The following SIRT3 variants were observed in gnomAD, a reference collection of about 807,000 sequenced individuals.
SIRT3 encodes the protein NAD-dependent protein deacetylase sirtuin-3, mitochondrial.
Under a neutral mutation model 33.5 loss-of-function variants are expected in SIRT3, and 26 were observed. That is an observed-to-expected ratio of 0.78 (90% CI 0.57 to 1.08). The LOEUF (loss-of-function observed/expected upper bound fraction) is 1.08, where lower values mean the gene tolerates loss of function less well. Ranked by LOEUF, SIRT3 falls within the 50% of genes least tolerant of loss-of-function variation. The pLI, the probability that SIRT3 is intolerant of heterozygous loss-of-function variation, is 0.00. For synonymous variants in SIRT3, 237 were observed against 222.1 expected (o/e 1.07, Z -0.60); for missense variants, 585 against 530.1 (o/e 1.10, Z -1.02).
Position 230,497 on chromosome 11 carries a change from G to A in SIRT3, c.762C>T (p.Ala254=), listed in dbSNP as rs570176280. 36 of 1,542,036 alleles carry A rather than the reference G, an allele frequency of 2.3e-5. No individual in the cohort carries two copies. The South Asian group carries it at 4.0e-4, about 17-fold the overall frequency. ...AGGGTCTTTGGCAGACTGTGCAGGT[G>A]GCAGAGGCAAAGGTTCCATGAGCTT... ...LVEAHGTFAS[A]TCTVCQRPFP... is the part of the protein sequence containing the mutation. Residue 254 remains alanine, a synonymous_variant, in exon 4 of 7, where the codon GCC becomes GCT. Coordinates refer to ENST00000382743, the MANE Select transcript of SIRT3 (RefSeq NM_012239.6).
At chr11:233,265 G>A (rs202146161) in intron 2 of SIRT3, 50 bp from the exon 3 acceptor site, 2 of 1,602,854 alleles carry the variant, frequency 1.2e-6, no homozygotes, top group Non-Finnish European at 1.7e-6. Context: ...GGACAGGGAA[G>A]TGGAATAAAC....
chr11:223,604 C>G lies in SIRT3; in HGVS notation c.969+474G>C, dbSNP rs573528. Reference sequence around the variant, plus strand: ...TGACCTGGGAGGCCCTGCCCCTCCACCTCGCCCCCACACCCCCATCCTTCT... The same window carrying G: ...TGACCTGGGAGGCCCTGCCCCTCCAGCTCGCCCCCACACCCCCATCCTTCT... On this transcript the variant is annotated intron_variant, in intron 5 of 6. Coordinates refer to ENST00000382743, the MANE Select transcript of SIRT3 (RefSeq NM_012239.6). This position sits in a 1 kb window ranked among gnomAD's most constrained non-coding sequence, Gnocchi z 4.8. 4 of 442,222 alleles carry G rather than the reference C, an allele frequency of 9.0e-6. No homozygotes were observed. Among genetic ancestry groups the G allele is most frequent in the Non-Finnish European group, 1.7e-5 (4 of 234,966 alleles). 27.4% of individuals were successfully genotyped at this position (442,222 alleles called of 1,614,324 possible).
Position 233,122 on chromosome 11 carries a change from G to A in SIRT3, c.567C>T (p.Pro189=), listed in dbSNP as rs149308050. Reference sequence around the variant, plus strand: ...CCTTGGCCAAAGTGAAAAAGGGCTTGGGGTTGTGAAAGAAGAATGGGAGTT... The same window carrying A: ...CCTTGGCCAAAGTGAAAAAGGGCTTAGGGTTGTGAAAGAAGAATGGGAGTT... The part of the protein sequence containing the change: ...IFELPFFFHN[P]KPFFTLAKEL... The change falls in exon 3 of 7, where the codon CCC becomes CCT. Residue 189 remains proline (P), a synonymous_variant. Coordinates refer to ENST00000382743, the MANE Select transcript of SIRT3 (RefSeq NM_012239.6). 148 of 1,614,148 alleles carry A rather than the reference G, an allele frequency of 9.2e-5. No individual in the cohort carries two copies. The African/African-American group carries it at 1.4e-3, about 15-fold the overall frequency.
At chr11:236,458 G>A (rs1326777498), upstream of SIRT3, 5 of 528,832 alleles carry the variant, frequency 9.5e-6, no homozygotes, top group African/African-American at 2.5e-5. Flanking sequence ...CCGGCGCCCC[G>A]GTCCCGCCTC....
intron 5 of SIRT3, among the ~76,000 whole-genome samples, chr11:220,424 T>C (rs1157635017): frequency 6.6e-6 from 1 of 151,764 alleles, no homozygotes; most frequent in African/African-American, 2.4e-5. Context: ...TAATTTATAT[T>C]GCTAATTTAT....
At chr11:234,811 T>C in intron 1 of SIRT3, among the ~76,000 whole-genome samples, 1 of 152,156 alleles carries the variant, frequency 6.6e-6, no homozygotes, top group East Asian at 1.9e-4. Flanking sequence ...CCATAGCACC[T>C]AGAACAGAGT....
intron 3 of SIRT3, among the ~76,000 whole-genome samples, chr11:232,235 A>C (rs1158829522): frequency 6.6e-6 from 1 of 151,994 alleles, no homozygotes; most frequent in Non-Finnish European, 1.5e-5. Context: ...CTCCTGTCTC[A>C]GCCTCCCGAG....
At chr11:230,597 G>T in intron 3 of SIRT3, 45 bp from the exon 4 acceptor site, 2 of 1,359,016 alleles carry the variant, frequency 1.5e-6, no homozygotes, top group South Asian at 1.6e-5. Context: ...CCTCCGAGAT[G>T]AGCACGCAAG....
chr11:231,980 C>G (rs12363280), intron 3 of SIRT3, among the ~76,000 whole-genome samples: 23,742 of 137,902 alleles, frequency 0.17, 2,356 homozygotes, highest in Middle Eastern at 0.26. Context: ...TTGGCACAAC[C>G]TGTGAATCGC....
chr11:227,347 A>G (rs1476590509), intron 4 of SIRT3, among the ~76,000 whole-genome samples: 1 of 151,586 alleles, frequency 6.6e-6, no homozygotes, highest in Admixed American at 6.6e-5. Flanking sequence ...ATGAGGCAAG[A>G]GAATCGCTTG....
At chr11:218,345 A>G (rs1251253173) in intron 6 of SIRT3, among the ~76,000 whole-genome samples, 1 of 152,210 alleles carries the variant, frequency 6.6e-6, no homozygotes. Context: ...AATCTCTTAG[A>G]AAGCATCAAG....
intron 1 of SIRT3, among the ~76,000 whole-genome samples, chr11:234,800 T>C (rs1370941805): frequency 6.6e-6 from 1 of 152,072 alleles, no homozygotes; most frequent in Non-Finnish European, 1.5e-5. Context: ...CCCTGCTCCA[T>C]CCATAGCACC....
intron 5 of SIRT3, among the ~76,000 whole-genome samples, chr11:219,812 TCAGATAAGGCAAAGGAAAATGA>T (rs1856180777): frequency 6.6e-6 from 1 of 151,800 alleles, no homozygotes; most frequent in Non-Finnish European, 1.5e-5. Context: ...AAAACTGAAG[TCAGATAAGGCAAAGGAAAATGA>T]CAGATCTGAC....
At chr11:225,139 C>A (rs963321622) in intron 4 of SIRT3, among the ~76,000 whole-genome samples, 1 of 151,624 alleles carries the variant, frequency 6.6e-6, no homozygotes, top group African/African-American at 2.4e-5. Flanking sequence ...AAAGGCCAGG[C>A]GCAGTGGCTC....
At chr11:235,226 A>T (rs1039640827) in intron 1 of SIRT3, among the ~76,000 whole-genome samples, 1 of 151,198 alleles carries the variant, frequency 6.6e-6, no homozygotes, top group Non-Finnish European at 1.5e-5. Flanking sequence ...CCACAGGTAG[A>T]TAAGAGTCTT....
At position 223,734 on chromosome 11, in the gene SIRT3, G is replaced by A; in HGVS notation, c.969+344C>T. The A allele has an allele frequency of 2.3e-6, 2 of 859,616 alleles. No homozygotes were observed. The highest frequency in any genetic ancestry group is 3.9e-6 in the Non-Finnish European group (2 of 514,152). The allele number at this position is 859,616 out of a possible 1,614,324, so 53.2% of individuals were successfully genotyped here. A position where few individuals can be genotyped will look rare whatever the true frequency, so the allele number is the denominator to read the frequency against. ...GCACAGGCTGCTGCTCCCTCAGCCTGGAACCCCAGCTGAATCCATTCACCT... is the reference window on the plus strand; with the variant it reads ...GCACAGGCTGCTGCTCCCTCAGCCTAGAACCCCAGCTGAATCCATTCACCT... On this transcript the variant is annotated intron_variant, in intron 5 of 6. Coordinates refer to ENST00000382743, the MANE Select transcript of SIRT3 (RefSeq NM_012239.6). The surrounding 1 kb of genome is among the most constrained non-coding windows in gnomAD (Gnocchi z 4.8).
Position 223,592 on chromosome 11 carries a change from C to CCT in SIRT3, c.969+484_969+485dup, listed in dbSNP as rs1326882601. ...GTATTCCTGATCTGACCTGGGAGGCCCTGCCCCTCCACCTCGCCCCCACAC... is the reference window on the plus strand; with the variant it reads ...GTATTCCTGATCTGACCTGGGAGGCCCTCTGCCCCTCCACCTCGCCCCCACAC... On this transcript the variant is annotated intron_variant, in intron 5 of 6. Transcript: ENST00000382743. The surrounding 1 kb of genome is among the most constrained non-coding windows in gnomAD (Gnocchi z 4.8). 2.3e-6 allele frequency: 1 copy of CCT among 443,556 alleles called. No individual in the cohort carries two copies. Among genetic ancestry groups the CCT allele is most frequent in the Non-Finnish European group, 4.2e-6 (1 of 236,454 alleles). The allele number at this position is 443,556 out of a possible 1,614,324, so 27.5% of individuals were successfully genotyped here. A position where few individuals can be genotyped will look rare whatever the true frequency, so the allele number is the denominator to read the frequency against.
At chr11:220,714 AC>A (rs1427059340) in intron 5 of SIRT3, among the ~76,000 whole-genome samples, 1 of 152,252 alleles carries the variant, frequency 6.6e-6, no homozygotes, top group Non-Finnish European at 1.5e-5. Flanking sequence ...ATCAGCATTT[AC>A]CCTTCAGGAG....
rs1858189516 is a variant in SIRT3, at chr11:232,442, T to C, written c.706+541A>G. On this transcript the variant is annotated intron_variant, in intron 3 of 6. Transcript: ENST00000382743. Reference sequence around the variant, plus strand: ...TCCGGCACCCGGCCGGAGTTGTTTTTAAAGTATTCTCTAGAGCTATCCATT... The same window carrying C: ...TCCGGCACCCGGCCGGAGTTGTTTTCAAAGTATTCTCTAGAGCTATCCATT... Among the ~76,000 whole-genome samples, 3 of 152,278 alleles carry C rather than the reference T, an allele frequency of 2.0e-5. No homozygotes were observed. The South Asian group carries it at 6.2e-4, about 32-fold the overall frequency.
Sources: allele counts gnomAD v4.1 joint callset (sites outside exome capture counted in the v4.1 genomes callset), GRCh38; gene constraint gnomAD v4.1.1; non-coding constraint Gnocchi (gnomAD v3.1); transcripts MANE v1.5; gene names NCBI Gene and HGNC (gene_info 2026-07-23, HGNC 2026-07-21).